ZRANB1: variants seen among roughly 807,000 people sequenced by gnomAD.
ZRANB1 encodes the protein ubiquitin thioesterase ZRANB1.
Under a neutral mutation model 80.5 loss-of-function variants are expected in ZRANB1, and 16 were observed. The ratio of observed to expected loss-of-function variants is 0.20; its 90% CI spans 0.13 to 0.30. The LOEUF is 0.30. ZRANB1 is among the 10% of genes least tolerant of loss of function. ZRANB1 has a pLI of 1.00. For missense variants in ZRANB1, 576 were observed against 862.6 expected (o/e 0.67, Z 4.16); for synonymous variants, 291 against 293.1 (o/e 0.99, Z 0.07).
intron 1 of ZRANB1, among the ~76,000 whole-genome samples, chr10:124,954,314 A>G (rs1291378200): frequency 4.0e-5 from 6 of 151,660 alleles, no homozygotes; most frequent in Admixed American, 3.3e-4. Context: ...TGTTTTACGT[A>G]TGAATGGAGG....
intron 8 of ZRANB1, 109 bp from the exon 9 acceptor site, chr10:124,984,665 T>G: frequency 9.1e-7 from 1 of 1,094,680 alleles, no homozygotes; most frequent in Non-Finnish European, 1.3e-6. Context: ...GTTGATTGCT[T>G]TGGCCTTTTC....
intron 1 of ZRANB1, among the ~76,000 whole-genome samples, chr10:124,963,851 T>C (rs1951756766): frequency 6.6e-6 from 1 of 152,198 alleles, no homozygotes; most frequent in Admixed American, 6.5e-5. Flanking sequence ...GTGCAATTCT[T>C]AATGAAAAGA....
At chr10:124,968,885 A>C (rs1241100098) in intron 2 of ZRANB1, among the ~76,000 whole-genome samples, 2 of 152,226 alleles carry the variant, frequency 1.3e-5, no homozygotes, top group Admixed American at 1.3e-4. Flanking sequence ...GAAACTTAGC[A>C]GCTAAGACAA....
Position 124,966,723 on chromosome 10 carries a change from T to C in ZRANB1, c.944T>C (p.Leu315Pro). ...RPSAFDVGYT[L>P]VHLAIRFQRQ... ...TCTGCCTTTGATGTTGGCTATACTCTTGTACACTTGGCTATACGTTTTCAG... is the reference window on the plus strand; with the variant it reads ...TCTGCCTTTGATGTTGGCTATACTCCTGTACACTTGGCTATACGTTTTCAG... The change falls in exon 2 of 9, where the codon CTT becomes CCT. Residue 315 changes from leucine (L) to proline (P), a missense_variant. Transcript: ENST00000359653. 5.0e-6 allele frequency: 8 copies of C among 1,614,180 alleles called. No individual in the cohort carries two copies. The highest frequency in any genetic ancestry group is 6.8e-6 in the Non-Finnish European group (8 of 1,180,024).
the ZRANB1 span, among the ~76,000 whole-genome samples, chr10:124,919,893 G>A: frequency 7.0e-6 from 1 of 142,302 alleles, no homozygotes; most frequent in Admixed American, 7.0e-5. Context: ...TTACAGGCGT[G>A]AGCCACCGCG....
chr10:124,944,244 G>T (rs2134243667), intron 1 of ZRANB1, among the ~76,000 whole-genome samples: 1 of 152,164 alleles, frequency 6.6e-6, no homozygotes, highest in African/African-American at 2.4e-5. Flanking sequence ...TGGGCTGCTT[G>T]CTTTGACATT....
chr10:124,950,719 G>T (rs1237536675), intron 1 of ZRANB1, among the ~76,000 whole-genome samples: 1 of 152,134 alleles, frequency 6.6e-6, no homozygotes, highest in Admixed American at 6.5e-5. Flanking sequence ...GCTCAGTCCT[G>T]TAATCCCAGC....
At chr10:124,944,597 A>C (rs929115777) in intron 1 of ZRANB1, among the ~76,000 whole-genome samples, 1 of 143,308 alleles carries the variant, frequency 7.0e-6, no homozygotes, top group African/African-American at 2.6e-5. Flanking sequence ...GTGACCTGCC[A>C]TCTCAGCCTC....
At chr10:124,932,915 C>A in the ZRANB1 span, among the ~76,000 whole-genome samples, 3 of 152,030 alleles carry the variant, frequency 2.0e-5, no homozygotes, top group African/African-American at 7.2e-5. Flanking sequence ...TATATATATT[C>A]TTCGGTGAGG....
Position 124,974,354 on chromosome 10 carries a change from G to A in ZRANB1, c.1383G>A (p.Val461=), listed in dbSNP as rs550241629. ...GGGGCATCTATGACAAGGACTCAGTGCTTCGGAAAGCCCTGCATGACAGCC... is the reference window on the plus strand; with the variant it reads ...GGGGCATCTATGACAAGGACTCAGTACTTCGGAAAGCCCTGCATGACAGCC... The part of the protein sequence containing the change: ...ATWGIYDKDS[V]LRKALHDSLH... Residue 461 remains valine (V), a synonymous_variant, in exon 5 of 9, where the codon GTG becomes GTA. Coordinates refer to ENST00000359653, the MANE Select transcript of ZRANB1 (RefSeq NM_017580.3). The A allele has an allele frequency of 4.3e-6, 7 of 1,614,276 alleles. No homozygotes were observed. In the East Asian group the frequency reaches 1.1e-4, roughly 26 times the overall value.
chr10:124,985,221 TAA>T lies in ZRANB1; in HGVS notation c.*230_*231del. 1 of 445,452 alleles carries T rather than the reference TAA, an allele frequency of 2.2e-6. No homozygotes were observed. The highest frequency in any genetic ancestry group is 2.0e-5 in the African/African-American group (1 of 50,538). 27.6% of individuals were successfully genotyped at this position (445,452 alleles called of 1,614,324 possible). ...AGTTTGTAAAAAAAACTAATTTTAT[TAA>T]GACAGAACTTTTTTTCCTTCCAAAT... On this transcript the variant is annotated 3_prime_UTR_variant, in exon 9 of 9. Transcript: ENST00000359653.
chr10:124,936,583 C>T, the ZRANB1 span, among the ~76,000 whole-genome samples: 9 of 152,262 alleles, frequency 5.9e-5, no homozygotes, highest in South Asian at 2.1e-4. Flanking sequence ...ACCATATCAT[C>T]GATCTTCACG....
intron 1 of ZRANB1, among the ~76,000 whole-genome samples, chr10:124,963,265 CAAAAAAAAAA>C (rs397844792): frequency 1.6e-5 from 1 of 62,370 alleles, no homozygotes; most frequent in South Asian, 5.3e-4. Context: ...GACTCTGTCT[CAAAAAAAAAA>C]AAAAAAAAAA....
chr10:124,929,430 T>A, the ZRANB1 span, among the ~76,000 whole-genome samples: 1 of 151,232 alleles, frequency 6.6e-6, no homozygotes, highest in South Asian at 2.1e-4. Flanking sequence ...CCGTCTACAG[T>A]ATTCAAGCAA....
the ZRANB1 span, among the ~76,000 whole-genome samples, chr10:124,924,275 TG>T: frequency 6.6e-6 from 1 of 151,800 alleles, no homozygotes; most frequent in Non-Finnish European, 1.5e-5. Context: ...TGGAATCAGT[TG>T]CAAATCTTTC....
At chr10:124,943,452 C>T (rs1035140495) in intron 1 of ZRANB1, 145 bp downstream of exon 1, 4 of 740,296 alleles carry the variant, frequency 5.4e-6, no homozygotes, top group Admixed American at 5.8e-5. Flanking sequence ...ATGCCATGAT[C>T]GGTCTGTGAA....
intron 5 of ZRANB1, among the ~76,000 whole-genome samples, chr10:124,977,187 G>A (rs1044864420): frequency 2.6e-5 from 4 of 151,688 alleles, no homozygotes; most frequent in Non-Finnish European, 5.9e-5. Context: ...TGCCCAGGCT[G>A]GTCTTGAACT....
the ZRANB1 span, among the ~76,000 whole-genome samples, chr10:124,935,319 A>G: frequency 2.6e-5 from 4 of 152,256 alleles, no homozygotes; most frequent in African/African-American, 7.2e-5. Context: ...ATAGGAAGAC[A>G]TAACAAGTGT....
chr10:124,959,535 G>T (rs374211547), intron 1 of ZRANB1, among the ~76,000 whole-genome samples: 1 of 151,632 alleles, frequency 6.6e-6, no homozygotes. Context: ...ACATGATCAC[G>T]GCTCACTGCA....
Sources: gnomAD v4.1 joint callset for allele counts (sites outside exome capture counted in the v4.1 genomes callset) on GRCh38, gnomAD v4.1.1 for gene constraint, MANE v1.5 for transcripts, NCBI Gene and HGNC (gene_info 2026-07-23, HGNC 2026-07-21) for gene names.